The following UST variants were observed in gnomAD, a reference collection of about 807,000 sequenced individuals.
UST encodes uronyl 2-sulfotransferase, also known as chondroitin sulfate 2-O-sulfotransferase.
A neutral mutation model predicts 45.6 loss-of-function variants in UST; 21 were observed. That is an observed-to-expected ratio of 0.46 (90% confidence interval 0.33 to 0.66). The LOEUF (loss-of-function observed/expected upper bound fraction) is 0.66. Ranked by LOEUF, UST falls within the 30% of genes least tolerant of loss-of-function variation. The probability of loss-of-function intolerance (pLI) is 0.02; values close to 1 mark genes in which losing one functional copy is unlikely to be tolerated. For synonymous variants in UST, 215 were observed against 200.6 expected, an observed-to-expected ratio of 1.07 and a Z score of -0.61; for missense variants, 463 against 512.4, an observed-to-expected ratio of 0.90 and a Z score of 0.93.
chr6:149,064,811 A>C (rs184521388), intron 7 of UST, among the ~76,000 whole-genome samples: 62 of 152,270 alleles, frequency 4.1e-4, no homozygotes, highest in Middle Eastern at 3.4e-3. Context: ...CTCCAGAAGA[A>C]TGTAGCCGCC....
At chr6:148,765,326 G>A (rs577585660) in intron 1 of UST, among the ~76,000 whole-genome samples, 21 of 152,200 alleles carry the variant, frequency 1.4e-4, no homozygotes, top group African/African-American at 5.1e-4. Flanking sequence ...TGCTCTATAT[G>A]TCTGTTTTTG....
chr6:149,025,354 A>G (rs1487652048), intron 7 of UST, among the ~76,000 whole-genome samples: 1 of 152,210 alleles, frequency 6.6e-6, no homozygotes, highest in East Asian at 1.9e-4. Context: ...TTTGCATTTT[A>G]TGGAGACAGA....
chr6:148,886,190 C>T (rs561459117), intron 1 of UST, among the ~76,000 whole-genome samples: 5 of 152,218 alleles, frequency 3.3e-5, no homozygotes, highest in African/African-American at 1.2e-4. Flanking sequence ...AGTCTTCTCT[C>T]CTCTCTGCAG....
At chr6:148,905,163 G>A (rs1006010324) in intron 2 of UST, among the ~76,000 whole-genome samples, 2 of 152,214 alleles carry the variant, frequency 1.3e-5, no homozygotes, top group Non-Finnish European at 2.9e-5. Context: ...GGAGCCATAA[G>A]GTGCTGGCTT....
intron 2 of UST, among the ~76,000 whole-genome samples, chr6:148,940,391 A>G (rs1274205775): frequency 6.6e-6 from 1 of 151,970 alleles, no homozygotes; most frequent in Non-Finnish European, 1.5e-5. Context: ...CTACTCGGGA[A>G]GCTAAGGTGG....
At chr6:148,896,413 A>T (rs1265595429) in intron 2 of UST, among the ~76,000 whole-genome samples, 1 of 152,160 alleles carries the variant, frequency 6.6e-6, no homozygotes, top group Non-Finnish European at 1.5e-5. Flanking sequence ...GCATGCTTCC[A>T]TGTGGCCACA....
At chr6:148,868,450 C>A (rs1025010659) in intron 1 of UST, among the ~76,000 whole-genome samples, 23 of 125,834 alleles carry the variant, frequency 1.8e-4, no homozygotes, top group African/African-American at 5.4e-4. Flanking sequence ...TTCAGTGATT[C>A]AAAAGTGAGT....
intron 7 of UST, among the ~76,000 whole-genome samples, chr6:149,045,254 G>A (rs950804011): frequency 4.6e-5 from 7 of 152,080 alleles, no homozygotes; most frequent in African/African-American, 1.4e-4. Flanking sequence ...TGTGAAACTG[G>A]GTTTTTATTT....
chr6:148,879,362 C>T (rs1022934615), intron 1 of UST, among the ~76,000 whole-genome samples: 2 of 152,172 alleles, frequency 1.3e-5, no homozygotes, highest in Non-Finnish European at 2.9e-5. Context: ...AGATGAGCCT[C>T]GGTAAAATCT....
At chr6:148,931,248 G>A (rs962380450) in intron 2 of UST, among the ~76,000 whole-genome samples, 3 of 152,166 alleles carry the variant, frequency 2.0e-5, no homozygotes, top group African/African-American at 4.8e-5. Context: ...TTTGAGGTTG[G>A]ACTCAGAGTA....
chr6:148,751,622 A>T (rs1775993883), intron 1 of UST, among the ~76,000 whole-genome samples: 1 of 152,170 alleles, frequency 6.6e-6, no homozygotes, highest in South Asian at 2.1e-4. Flanking sequence ...TGTTATCTTG[A>T]TTTCCCACCC....
chr6:148,976,079 G>A lies in UST; in HGVS notation c.681+11516G>A, dbSNP rs888243141. Among the ~76,000 whole-genome samples, 3 of 152,104 alleles carry A rather than the reference G, an allele frequency of 2.0e-5. No homozygotes were observed. In the East Asian group the frequency reaches 5.8e-4, roughly 29 times the overall value. The stretch of plus-strand genomic sequence containing the variant: ...AAGATATAAGAAGTCTTATAAATCA[G>A]TAAAAAAAAGACTAATTCCCCATTG... On this transcript the variant is annotated intron_variant, in intron 5 of 7. Transcript: ENST00000367463.
At chr6:148,989,406 G>A (rs945967740) in intron 5 of UST, among the ~76,000 whole-genome samples, 26 of 152,134 alleles carry the variant, frequency 1.7e-4, no homozygotes, top group African/African-American at 6.3e-4. Context: ...AACTGCATTA[G>A]CATGTTACCA....
At chr6:148,809,731 A>T (rs1323120309) in intron 1 of UST, among the ~76,000 whole-genome samples, 1 of 152,364 alleles carries the variant, frequency 6.6e-6, no homozygotes, top group African/African-American at 2.4e-5. Context: ...ATTCATGTAC[A>T]TACCCATCAG....
chr6:148,827,699 C>A (rs972578838), intron 1 of UST, among the ~76,000 whole-genome samples: 1 of 142,006 alleles, frequency 7.0e-6, no homozygotes. Context: ...TTGCCATTTT[C>A]TTAACTTTGA....
At chr6:149,058,344 C>CGTGTGTGTGTGT (rs768018530) in intron 7 of UST, among the ~76,000 whole-genome samples, 1 of 126,662 alleles carries the variant, frequency 7.9e-6, no homozygotes, top group African/African-American at 3.2e-5. Context: ...AAAGGAGGAG[C>CGTGTGTGTGTGT]ATGTGTGTGT....
chr6:148,940,394 T>C (rs551568828), intron 2 of UST, among the ~76,000 whole-genome samples: 78 of 151,538 alleles, frequency 5.1e-4, no homozygotes, highest in Middle Eastern at 3.5e-3. Flanking sequence ...CTCGGGAAGC[T>C]AAGGTGGGAG....
At chr6:149,069,005 G>C (rs1444418691) in intron 7 of UST, among the ~76,000 whole-genome samples, 1 of 152,128 alleles carries the variant, frequency 6.6e-6, no homozygotes, top group African/African-American at 2.4e-5. Context: ...TTGTCTTTCT[G>C]TGCCTAGATT....
chr6:148,916,547 G>T (rs558718005), intron 2 of UST, among the ~76,000 whole-genome samples: 4 of 152,156 alleles, frequency 2.6e-5, no homozygotes, highest in Non-Finnish European at 5.9e-5. Context: ...ACTCACTGGC[G>T]GATCTTAGCC....
Sources: allele counts gnomAD v4.1 joint callset (sites outside exome capture counted in the v4.1 genomes callset), GRCh38; gene constraint gnomAD v4.1.1; transcripts MANE v1.5; gene names NCBI Gene and HGNC (gene_info 2026-07-23, HGNC 2026-07-21).